RPA1: variants seen among roughly 807,000 people sequenced by gnomAD.
The protein encoded by RPA1 is replication protein A1.
In RPA1, 49 loss-of-function variants were observed where a neutral mutation model predicts 83.0. That is an observed-to-expected ratio of 0.59 (90% CI 0.47 to 0.75). RPA1 has a LOEUF of 0.75. RPA1 is among the 30% of genes least tolerant of loss of function. The pLI, the probability that RPA1 is intolerant of heterozygous loss-of-function variation, is 0.00. For synonymous variants in RPA1, 279 were observed against 281.8 expected (o/e 0.99, Z 0.10); for missense variants, 693 against 776.1 (o/e 0.89, Z 1.27).
At chr17:1,875,358 G>A (rs892932077) in intron 6 of RPA1, among the ~76,000 whole-genome samples, 1 of 152,142 alleles carries the variant, frequency 6.6e-6, no homozygotes, top group Admixed American at 6.5e-5. Context: ...TAAGAGGGCG[G>A]CCTTCAGAAA....
At chr17:1,851,903 C>G (rs529360938) in intron 4 of RPA1, among the ~76,000 whole-genome samples, 1 of 152,154 alleles carries the variant, frequency 6.6e-6, no homozygotes, top group Non-Finnish European at 1.5e-5. Flanking sequence ...AGCAGTCAGA[C>G]CATTTAAAAC....
At chr17:1,857,225 T>G (rs906328897) in intron 5 of RPA1, among the ~76,000 whole-genome samples, 1 of 151,740 alleles carries the variant, frequency 6.6e-6, no homozygotes, top group Non-Finnish European at 1.5e-5. Context: ...ATGTGTTTAG[T>G]TTTTAAATGT....
At chr17:1,858,843 C>T (rs1441955601) in intron 5 of RPA1, among the ~76,000 whole-genome samples, 2 of 151,318 alleles carry the variant, frequency 1.3e-5, no homozygotes, top group Non-Finnish European at 3.0e-5. Flanking sequence ...CTTTGTATGA[C>T]TTGAATCCTG....
intron 16 of RPA1, among the ~76,000 whole-genome samples, chr17:1,896,495 A>T (rs1380030572): frequency 2.8e-5 from 4 of 144,822 alleles, no homozygotes; most frequent in African/African-American, 1.0e-4. Flanking sequence ...ATAGGGGATC[A>T]GATGTCACCG....
At chr17:1,893,643 A>G (rs1914280783) in intron 15 of RPA1, among the ~76,000 whole-genome samples, 1 of 152,112 alleles carries the variant, frequency 6.6e-6, no homozygotes, top group Non-Finnish European at 1.5e-5. Flanking sequence ...TCTTTATACA[A>G]ACTATATTCT....
chr17:1,884,276 T>A lies in RPA1; in HGVS notation c.1374+332T>A, dbSNP rs2151289222. Among the ~76,000 whole-genome samples, 1 of 152,318 alleles carries A rather than the reference T, an allele frequency of 6.6e-6. No individual in the cohort carries two copies. ...GTCCACGTTTCTTTCCTGTGATCCT[T>A]CCTGCAAATTTAAGCGCCCACATAT... is the stretch of plus-strand genomic sequence containing the variant. On this transcript the variant is annotated intron_variant, in intron 13 of 16. Transcript: ENST00000254719. The surrounding 1 kb of genome is among the most constrained non-coding windows in gnomAD (Gnocchi z 4.1).
chr17:1,853,183 A>G lies in RPA1; in HGVS notation c.355A>G (p.Asn119Asp), dbSNP rs1401730606. 6.2e-7 allele frequency: 1 copy of G among 1,613,538 alleles called. No individual in the cohort carries two copies. The highest frequency in any genetic ancestry group is 8.5e-7 in the Non-Finnish European group (1 of 1,179,464). The change falls in exon 5 of 17, where the codon AAT becomes GAT. Residue 119 changes from asparagine (N) to aspartate (D), a missense_variant. Coordinates refer to ENST00000254719, the MANE Select transcript of RPA1 (RefSeq NM_002945.5). Reference sequence around the variant, plus strand: ...GAAGATTGGCAATCCAGTGCCCTATAATGAAGGTAAAATGCTTTGGCGTAG... The same window carrying G: ...GAAGATTGGCAATCCAGTGCCCTATGATGAAGGTAAAATGCTTTGGCGTAG... ...GVKIGNPVPY[N>D]EGLGQPQVAP... is the part of the protein sequence containing the mutation.
At chr17:1,879,728 G>T (rs200429150) in intron 11 of RPA1, 29 bp downstream of exon 11, 2 of 1,613,484 alleles carry the variant, frequency 1.2e-6, no homozygotes, top group Admixed American at 1.7e-5. Context: ...TCTTCAACAC[G>T]CACAGGACCT....
intron 1 of RPA1, among the ~76,000 whole-genome samples, chr17:1,841,812 G>A (rs1912056673): frequency 6.6e-6 from 1 of 152,062 alleles, no homozygotes; most frequent in Non-Finnish European, 1.5e-5. Context: ...TCTATGCCTA[G>A]TTTGCTGAGA....
intron 14 of RPA1, among the ~76,000 whole-genome samples, chr17:1,890,835 C>T (rs183660417): frequency 2.6e-5 from 4 of 152,238 alleles, no homozygotes; most frequent in East Asian, 1.9e-4. Flanking sequence ...AACTCCACAG[C>T]GCAATCTCCC....
intron 16 of RPA1, among the ~76,000 whole-genome samples, chr17:1,895,659 G>GTATTATTAATTTATTTATT (rs149258342): frequency 7.1e-6 from 1 of 141,752 alleles, no homozygotes; most frequent in Non-Finnish European, 1.5e-5. Flanking sequence ...ATACCATATA[G>GTATTATTAATTTATTTATT]TATTTATTTA....
rs758831602 is a variant in RPA1 at position 1,897,375 on chromosome 17, T to C, written c.*200T>C. 5.4e-5 allele frequency: 29 copies of C among 535,596 alleles called. No individual in the cohort carries two copies. The highest frequency in any genetic ancestry group is 6.6e-5 in the Non-Finnish European group (20 of 302,650). 33.2% of individuals were successfully genotyped at this position (535,596 alleles called of 1,614,324 possible). A position where few individuals can be genotyped will look rare whatever the true frequency, so the allele number is the denominator to read the frequency against. On this transcript the variant is annotated 3_prime_UTR_variant, in exon 17 of 17. Transcript: ENST00000254719. ...ACGCTCAGGTGGTTGTGGTGTAGAC[T>C]GTGTCAGGCCTACGGAGTCAGCCAG...
chr17:1,863,693 T>C (rs1354248199), intron 5 of RPA1, among the ~76,000 whole-genome samples: 2 of 152,236 alleles, frequency 1.3e-5, no homozygotes, highest in Non-Finnish European at 2.9e-5. Context: ...TTGAAGTTTT[T>C]CTATGAAACA....
chr17:1,836,294 G>A (rs1662536206), intron 1 of RPA1, among the ~76,000 whole-genome samples: 1 of 151,858 alleles, frequency 6.6e-6, no homozygotes, highest in South Asian at 2.1e-4. Flanking sequence ...ATTTTTAATA[G>A]TGATGGGGTT....
At chr17:1,852,330 A>G (rs1912526788) in intron 4 of RPA1, among the ~76,000 whole-genome samples, 1 of 152,246 alleles carries the variant, frequency 6.6e-6, no homozygotes. Flanking sequence ...GCTGTAGGAA[A>G]GACTAGAACA....
chr17:1,851,518 G>A (rs186094257), intron 4 of RPA1, among the ~76,000 whole-genome samples: 34 of 152,252 alleles, frequency 2.2e-4, no homozygotes, highest in African/African-American at 7.2e-4. Flanking sequence ...CTTGTCATCT[G>A]TATTCTCTGT....
At chr17:1,886,441 C>T (rs1277552597) in intron 13 of RPA1, among the ~76,000 whole-genome samples, 2 of 152,224 alleles carry the variant, frequency 1.3e-5, no homozygotes, top group Admixed American at 1.3e-4. Flanking sequence ...TCCTTTGAAG[C>T]TTTGAAGCCA....
At chr17:1,830,798 C>G (rs1019765522) in intron 1 of RPA1, among the ~76,000 whole-genome samples, 14 of 151,506 alleles carry the variant, frequency 9.2e-5, no homozygotes, top group African/African-American at 2.7e-4. Flanking sequence ...GGGCGACACT[C>G]ACTGTCGCCC....
Position 1,858,169 on chromosome 17 carries a change from T to C in RPA1, c.361+4980T>C. The stretch of plus-strand genomic sequence containing the variant: ...CAAGTGTCGGATCCCATTCCAGGTA[T>C]GATACATGAGAGGGAAGACGAGTGC... On this transcript the variant is annotated intron_variant, in intron 5 of 16. Coordinates refer to ENST00000254719, the MANE Select transcript of RPA1 (RefSeq NM_002945.5). The C allele has an allele frequency of 1.9e-6, 3 of 1,613,970 alleles. No homozygotes were observed. In the South Asian group the frequency reaches 3.3e-5, roughly 18 times the overall value.
Sources: gnomAD v4.1 joint callset for allele counts (sites outside exome capture counted in the v4.1 genomes callset) on GRCh38, gnomAD v4.1.1 for gene constraint, Gnocchi (gnomAD v3.1) non-coding constraint, MANE v1.5 for transcripts, NCBI Gene and HGNC (gene_info 2026-07-23, HGNC 2026-07-21) for gene names.